Variants in GYPE observed in about 807,000 individuals in gnomAD.
GYPE encodes glycophorin-E.
Under a neutral mutation model 11.6 loss-of-function variants are expected in GYPE, and 8 were observed. The observed-to-expected ratio is 0.69, with a 90% confidence interval of 0.41 to 1.25. GYPE has a LOEUF of 1.25. Among genes scored for constraint, GYPE ranks in the 50% most tolerant of loss-of-function variants. The probability of loss-of-function intolerance (pLI) is 0.01; values close to 1 mark genes in which losing one functional copy is unlikely to be tolerated. For synonymous variants in GYPE, 28 were observed against 29.6 expected, an observed-to-expected ratio of 0.94 and a Z score of 0.18; for missense variants, 90 against 92.8, an observed-to-expected ratio of 0.97 and a Z score of 0.12.
At position 143,885,085 on chromosome 4, in the gene GYPE, C is replaced by T. The variant is rs1259052277; in HGVS notation, c.38-4576G>A. Among the ~76,000 whole-genome samples the T allele has an allele frequency of 5.3e-5, 8 of 151,714 alleles. No individual in the cohort carries two copies. In the South Asian group the frequency reaches 1.7e-3, roughly 32 times the overall value. On this transcript the variant is annotated intron_variant, in intron 1 of 3. Coordinates refer to ENST00000358615, the MANE Select transcript of GYPE (RefSeq NM_198682.3). ...CAGTCCCTTTGCAAACAAGCCACTT[C>T]TGCTCACAGAAGGTCCTTATCACTT...
chr4:143,874,787 G>T (rs1295241421), intron 3 of GYPE, among the ~76,000 whole-genome samples: 1 of 152,162 alleles, frequency 6.6e-6, no homozygotes, highest in Non-Finnish European at 1.5e-5. Context: ...AGCCATCTCA[G>T]TAAGATCTGC....
At chr4:143,878,846 C>T (rs1578955277) in intron 2 of GYPE, among the ~76,000 whole-genome samples, 1 of 152,060 alleles carries the variant, frequency 6.6e-6, no homozygotes, top group African/African-American at 2.4e-5. Flanking sequence ...TGTGTCAGTC[C>T]TACCATTAGT....
At chr4:143,892,897 G>A (rs1371346800) in intron 1 of GYPE, among the ~76,000 whole-genome samples, 4 of 150,632 alleles carry the variant, frequency 2.7e-5, no homozygotes, top group African/African-American at 7.3e-5. Flanking sequence ...TCTGTCTAAT[G>A]TTGACAGTGG....
At chr4:143,874,409 G>A (rs1743720891) in intron 3 of GYPE, among the ~76,000 whole-genome samples, 1 of 152,126 alleles carries the variant, frequency 6.6e-6, no homozygotes, top group Non-Finnish European at 1.5e-5. Context: ...ATCATGGTGT[G>A]ACTGTAATGT....
chr4:143,891,141 T>G (rs1195052870), intron 1 of GYPE, among the ~76,000 whole-genome samples: 1 of 151,422 alleles, frequency 6.6e-6, no homozygotes, highest in East Asian at 2.0e-4. Flanking sequence ...ATAACTACTT[T>G]AGGCTTTGTG....
intron 3 of GYPE, among the ~76,000 whole-genome samples, chr4:143,874,857 T>C (rs1378335802): frequency 1.3e-5 from 2 of 152,188 alleles, no homozygotes; most frequent in Non-Finnish European, 2.9e-5. Flanking sequence ...CCCTTCTCTA[T>C]GTGCTCCTAC....
rs185813765 is a variant in GYPE at position 143,895,453 on chromosome 4, T to A, written c.37+10018A>T. On this transcript the variant is annotated intron_variant, in intron 1 of 3. Coordinates refer to ENST00000358615, the MANE Select transcript of GYPE (RefSeq NM_198682.3). ...ACCTAGGAATCCAACTTACAAGGGA[T>A]GTTAAGGACCTCTTCAAGGAGAACT... Among the ~76,000 whole-genome samples the A allele has an allele frequency of 2.3e-3, 345 of 150,868 alleles. 1 individual carries two copies. The highest frequency in any genetic ancestry group is 8.1e-3 in the African/African-American group (334 of 41,206).
intron 2 of GYPE, among the ~76,000 whole-genome samples, chr4:143,878,440 A>C (rs948009352): frequency 1.3e-5 from 2 of 152,200 alleles, no homozygotes; most frequent in Admixed American, 1.3e-4. Flanking sequence ...CTGGCCCCCA[A>C]AATGTTTTTA....
At chr4:143,872,996 G>A (rs931659740) in intron 3 of GYPE, among the ~76,000 whole-genome samples, 2 of 152,132 alleles carry the variant, frequency 1.3e-5, no homozygotes, top group Non-Finnish European at 2.9e-5. Flanking sequence ...GAGATTTTAA[G>A]TAGGAGAAAT....
chr4:143,884,973 T>G (rs1211654334), intron 1 of GYPE, among the ~76,000 whole-genome samples: 1 of 150,132 alleles, frequency 6.7e-6, no homozygotes, highest in Non-Finnish European at 1.5e-5. Context: ...CTGTCAGTAG[T>G]ATGGAGGATA....
At chr4:143,878,407 A>T (rs939646777) in intron 2 of GYPE, among the ~76,000 whole-genome samples, 5 of 152,334 alleles carry the variant, frequency 3.3e-5, no homozygotes, top group African/African-American at 1.2e-4. Flanking sequence ...AAATTCTGGG[A>T]TTATAGGCAT....
intron 3 of GYPE, among the ~76,000 whole-genome samples, chr4:143,872,725 G>A (rs1475999966): frequency 6.6e-6 from 1 of 152,108 alleles, no homozygotes; most frequent in Non-Finnish European, 1.5e-5. Flanking sequence ...GAAGGTGTGA[G>A]ACAGGAATAA....
At chr4:143,891,067 T>C (rs187927705) in intron 1 of GYPE, among the ~76,000 whole-genome samples, 74 of 152,236 alleles carry the variant, frequency 4.9e-4, no homozygotes, top group African/African-American at 1.5e-3. Context: ...GAGCCCTTAG[T>C]ACAAGTATTA....
intron 2 of GYPE, among the ~76,000 whole-genome samples, chr4:143,878,917 G>C (rs1414202078): frequency 6.6e-6 from 1 of 152,078 alleles, no homozygotes; most frequent in Non-Finnish European, 1.5e-5. Flanking sequence ...TAAGCAAATT[G>C]TCTTATAACT....
chr4:143,897,857 A>C (rs1182206136), intron 1 of GYPE, among the ~76,000 whole-genome samples: 1 of 152,124 alleles, frequency 6.6e-6, no homozygotes, highest in East Asian at 1.9e-4. Flanking sequence ...TCAAAAACAT[A>C]AAGTTAGCTA....
chr4:143,900,379 T>A (rs1273988163), intron 1 of GYPE, among the ~76,000 whole-genome samples: 2 of 121,572 alleles, frequency 1.6e-5, no homozygotes, highest in Non-Finnish European at 3.5e-5. Context: ...GGAAAAGAGT[T>A]GAGCAGTTCC....
chr4:143,901,057 T>C (rs983130931), intron 1 of GYPE, among the ~76,000 whole-genome samples: 2 of 152,230 alleles, frequency 1.3e-5, no homozygotes, highest in African/African-American at 4.8e-5. Flanking sequence ...GTGAGTGCTA[T>C]ATCACTGTTG....
At chr4:143,878,519 TA>T in intron 2 of GYPE, 1 of 377,280 alleles carries the variant, frequency 2.7e-6, no homozygotes, top group South Asian at 2.1e-5. Context: ...TTTGTGTGAA[TA>T]AAGTTAACAA....
intron 1 of GYPE, among the ~76,000 whole-genome samples, chr4:143,892,191 C>G (rs1463124737): frequency 2.0e-5 from 3 of 152,140 alleles, no homozygotes; most frequent in East Asian, 3.9e-4. Context: ...CTATTTGATT[C>G]TTCTCTCTTT....
Sources: gnomAD v4.1 joint callset for allele counts (sites outside exome capture counted in the v4.1 genomes callset) on GRCh38, gnomAD v4.1.1 for gene constraint, MANE v1.5 for transcripts, NCBI Gene and HGNC (gene_info 2026-07-23, HGNC 2026-07-21) for gene names.